PNPLA1: variants seen among roughly 807,000 people sequenced by gnomAD.
The protein encoded by PNPLA1 is omega-hydroxyceramide transacylase.
In PNPLA1, 36 loss-of-function variants were observed where a neutral mutation model predicts 51.7. The ratio of observed to expected loss-of-function variants is 0.70; its 90% CI spans 0.53 to 0.92. The LOEUF (loss-of-function observed/expected upper bound fraction) is 0.92. Among genes scored for constraint, PNPLA1 ranks in the 40% least tolerant of loss-of-function variants. The pLI is 0.00. For synonymous variants in PNPLA1, 293 were observed against 280.1 expected (o/e 1.05, Z -0.46); for missense variants, 658 against 682.5 (o/e 0.96, Z 0.40).
chr6:36,287,499 G>A (rs1770531953), intron 1 of PNPLA1, among the ~76,000 whole-genome samples: 1 of 152,174 alleles, frequency 6.6e-6, no homozygotes, highest in Non-Finnish European at 1.5e-5. Context: ...CTGTGTCTCA[G>A]AGCCTGGCAG....
chr6:36,245,764 C>T (rs894612197), intron 1 of PNPLA1, among the ~76,000 whole-genome samples: 2 of 152,196 alleles, frequency 1.3e-5, no homozygotes, highest in African/African-American at 4.8e-5. Flanking sequence ...GTCATCCCCA[C>T]GTTACAGGTA....
At chr6:36,287,755 A>AACACAC (rs57750301) in intron 1 of PNPLA1, among the ~76,000 whole-genome samples, 1,595 of 148,400 alleles carry the variant, frequency 0.011, 17 homozygotes, top group Middle Eastern at 0.055. Flanking sequence ...GACAGACAGA[A>AACACAC]ACACACACAC....
intron 8 of PNPLA1, chr6:36,308,638 C>T (rs987805571): frequency 6.6e-6 from 1 of 152,108 alleles, no homozygotes; most frequent in Admixed American, 6.6e-5. Context: ...AACTTTAGAT[C>T]AAAGATAAGA....
In PNPLA1 at chr6:36,278,048, C is replaced by A. The variant is rs376300930; in HGVS notation, c.205+7384C>A. On this transcript the variant is annotated intron_variant, in intron 1 of 8. Coordinates refer to ENST00000636260, the MANE Select transcript of PNPLA1 (RefSeq NM_001374623.1). ...CCTGCCTAGAATGACCCTCTGCCCC[C>A]CTTTCAGAGAGAAAACCTCCTCTCC... 3.3e-5 allele frequency among the ~76,000 whole-genome samples: 5 copies of A among 152,298 alleles called. No homozygotes were observed. In the East Asian group the frequency reaches 7.7e-4, roughly 24 times the overall value.
At chr6:36,284,306 A>G (rs1200993262) in intron 1 of PNPLA1, among the ~76,000 whole-genome samples, 1 of 152,228 alleles carries the variant, frequency 6.6e-6, no homozygotes, top group Non-Finnish European at 1.5e-5. Context: ...AAGAAGGTCT[A>G]TGTGGAGGAT....
At chr6:36,256,888 A>G (rs1582030882) in intron 1 of PNPLA1, among the ~76,000 whole-genome samples, 2 of 152,352 alleles carry the variant, frequency 1.3e-5, no homozygotes, top group Admixed American at 1.3e-4. Context: ...GAAGGGCAAG[A>G]TGATTAAAGC....
At chr6:36,281,534 A>G (rs1428917761) in intron 1 of PNPLA1, among the ~76,000 whole-genome samples, 1 of 152,164 alleles carries the variant, frequency 6.6e-6, no homozygotes, top group African/African-American at 2.4e-5. Context: ...CACTTTACAA[A>G]TGAGGAAACA....
chr6:36,288,712 C>A (rs1021519272), intron 1 of PNPLA1, among the ~76,000 whole-genome samples: 2 of 152,158 alleles, frequency 1.3e-5, no homozygotes, highest in African/African-American at 4.8e-5. Context: ...CCCGCCTCGG[C>A]CTCCCAAAGT....
intron 1 of PNPLA1, among the ~76,000 whole-genome samples, chr6:36,264,061 A>C (rs1769711076): frequency 6.6e-6 from 1 of 152,068 alleles, no homozygotes; most frequent in East Asian, 1.9e-4. Context: ...GAGCTTCCCC[A>C]TGCAGTCCTG....
In PNPLA1 at chr6:36,306,378, T is replaced by TA. The variant is rs1281820510; in HGVS notation, c.1469+4dup. ...AACCGTCAGCAAGCCTTATGTAACG[T>TA]AAGTTTCCCCTTCGTGGAGCACGCT... On this transcript the variant is annotated splice_region_variant and intron_variant, in intron 7 of 8. Transcript: ENST00000636260. The TA allele has an allele frequency of 1.2e-6, 2 of 1,607,118 alleles. No homozygotes were observed. The highest frequency in any genetic ancestry group is 1.7e-5 in the Admixed American group (1 of 58,322).
intron 1 of PNPLA1, among the ~76,000 whole-genome samples, chr6:36,254,510 G>T (rs1053124239): frequency 6.6e-6 from 1 of 152,088 alleles, no homozygotes; most frequent in Non-Finnish European, 1.5e-5. Context: ...ATGAGTTCAA[G>T]GTTGCAGTGA....
chr6:36,303,430 C>T (rs539422910), intron 6 of PNPLA1, among the ~76,000 whole-genome samples: 5 of 152,286 alleles, frequency 3.3e-5, no homozygotes, highest in South Asian at 2.1e-4. Flanking sequence ...CTACTACAGA[C>T]GGTTTCAGAA....
rs755921269 is a variant in PNPLA1, at chr6:36,294,225, C to G, written c.540C>G (p.Pro180=). 6.2e-7 allele frequency: 1 copy of G among 1,614,234 alleles called. No homozygotes were observed. Among genetic ancestry groups the G allele is most frequent in the Admixed American group, 1.7e-5 (1 of 60,032 alleles). ...ATGGGGGCTTCACGGGCATGCAGCC[C>G]TGTGCCTTCTGGACCGACGCCATCA... ...YIDGGFTGMQ[P]CAFWTDAITI... is the part of the protein sequence containing the mutation. The change falls in exon 4 of 9, where the codon CCC becomes CCG. Residue 180 remains proline, a synonymous_variant. Coordinates refer to ENST00000636260, the MANE Select transcript of PNPLA1 (RefSeq NM_001374623.1). The surrounding 1 kb of genome is among the most constrained non-coding windows in gnomAD (Gnocchi z 4.2).
chr6:36,245,629 A>C (rs1769257363), intron 1 of PNPLA1, among the ~76,000 whole-genome samples: 1 of 152,204 alleles, frequency 6.6e-6, no homozygotes. Flanking sequence ...TGTGCCCAGC[A>C]CACAGTAGGT....
At chr6:36,269,889 G>A (rs1490480352), upstream of PNPLA1, among the ~76,000 whole-genome samples, 1 of 152,234 alleles carries the variant, frequency 6.6e-6, no homozygotes, top group Non-Finnish European at 1.5e-5. Flanking sequence ...TCTCTTTTGG[G>A]GGACCCGTCC....
intron 8 of PNPLA1, among the ~76,000 whole-genome samples, chr6:36,309,982 G>C (rs1771351139): frequency 6.6e-6 from 1 of 152,208 alleles, no homozygotes; most frequent in South Asian, 2.1e-4. Flanking sequence ...AGAGAGGCTA[G>C]AACAAAAGCT....
intron 8 of PNPLA1, among the ~76,000 whole-genome samples, chr6:36,309,993 A>G (rs1348344791): frequency 6.6e-6 from 1 of 152,196 alleles, no homozygotes; most frequent in Non-Finnish European, 1.5e-5. Context: ...AACAAAAGCT[A>G]AAGTGTAGAT....
intron 1 of PNPLA1, among the ~76,000 whole-genome samples, chr6:36,250,100 T>C (rs1641204254): frequency 6.6e-6 from 1 of 152,186 alleles, no homozygotes; most frequent in South Asian, 2.1e-4. Context: ...GCCCCTTCCT[T>C]GTCATCTCCA....
intron 1 of PNPLA1, among the ~76,000 whole-genome samples, chr6:36,247,287 G>A (rs1448001205): frequency 6.6e-6 from 1 of 152,192 alleles, no homozygotes; most frequent in Non-Finnish European, 1.5e-5. Context: ...AAATTCCAGG[G>A]TTAGTTATTC....
Sources: gnomAD v4.1 joint callset for allele counts (sites outside exome capture counted in the v4.1 genomes callset) on GRCh38, gnomAD v4.1.1 for gene constraint, Gnocchi (gnomAD v3.1) non-coding constraint, MANE v1.5 for transcripts, NCBI Gene and HGNC (gene_info 2026-07-23, HGNC 2026-07-21) for gene names.